Variants in SUCLA2 observed in about 807,000 individuals in gnomAD.
SUCLA2 encodes the protein succinate--CoA ligase [ADP-forming] subunit beta, mitochondrial.
In SUCLA2, 30 loss-of-function variants were observed where a neutral mutation model predicts 54.8. That is an observed-to-expected ratio of 0.55 (90% confidence interval 0.41 to 0.74). The LOEUF (loss-of-function observed/expected upper bound fraction) is 0.74, where lower values mean the gene tolerates loss of function less well. Ranked by LOEUF, SUCLA2 falls within the 30% of genes least tolerant of loss-of-function variation. The pLI, the probability that SUCLA2 is intolerant of heterozygous loss-of-function variation, is 0.00. For missense variants in SUCLA2, 476 were observed against 562.9 expected, an observed-to-expected ratio of 0.85 and a Z score of 1.56; for synonymous variants, 172 against 188.9, an observed-to-expected ratio of 0.91 and a Z score of 0.74.
chr13:47,988,725 A>T, intron 3 of SUCLA2, 22 bp from the exon 4 acceptor site: 1 of 1,612,916 alleles, frequency 6.2e-7, no homozygotes, highest in South Asian at 1.1e-5. Context: ...AAAAGAACTC[A>T]AATTTTTCTT....
In SUCLA2 at chr13:47,970,051, G is replaced by A. The variant is rs533832864; in HGVS notation, c.664-1318C>T. ...CAGGAGGTGGAGGTTGCAGTGAGCC[G>A]AGATCACACCACTGCACTCCTGCCT... On this transcript the variant is annotated intron_variant, in intron 5 of 10. Transcript: ENST00000646932. Among the ~76,000 whole-genome samples, 10 of 149,474 alleles carry A rather than the reference G, an allele frequency of 6.7e-5. 1 individual carries two copies. The South Asian group carries it at 8.5e-4, about 13-fold the overall frequency.
chr13:47,947,429 T>A (rs915371516), intron 10 of SUCLA2, among the ~76,000 whole-genome samples: 3 of 152,118 alleles, frequency 2.0e-5, no homozygotes, highest in African/African-American at 7.2e-5. Context: ...AATCAGGTAA[T>A]TATCCTACTT....
At position 47,961,092 on chromosome 13, in the gene SUCLA2, A is replaced by G. The variant is rs183750232; in HGVS notation, c.803-6535T>C. Reference sequence around the variant, plus strand: ...AAAAAGAAAATTGGGGCCAGTTATTAAAAGTTTATGGAAATCTTACCTTAT... The same window carrying G: ...AAAAAGAAAATTGGGGCCAGTTATTGAAAGTTTATGGAAATCTTACCTTAT... On this transcript the variant is annotated intron_variant, in intron 6 of 10. Coordinates refer to ENST00000646932, the MANE Select transcript of SUCLA2 (RefSeq NM_003850.3). Among the ~76,000 whole-genome samples, 334 of 152,336 alleles carry G rather than the reference A, an allele frequency of 2.2e-3. 1 individual carries two copies. Among genetic ancestry groups the G allele is most frequent in the South Asian group, 0.011 (51 of 4,824 alleles).
rs552533237 is a variant in SUCLA2 at position 47,946,591 on chromosome 13, T to A, written c.1317+2349A>T. Reference sequence around the variant, plus strand: ...AAACAAAAGGTTGTGTTTTTTTTTTTTTAAAAAAAGCAATCCCTTTAAAAA... The same window carrying A: ...AAACAAAAGGTTGTGTTTTTTTTTTATTAAAAAAAGCAATCCCTTTAAAAA... On this transcript the variant is annotated intron_variant, in intron 10 of 10. Transcript: ENST00000646932. Among the ~76,000 whole-genome samples, 917 of 145,380 alleles carry A rather than the reference T, an allele frequency of 6.3e-3. 11 individuals are homozygous for A. The highest frequency in any genetic ancestry group is 0.021 in the East Asian group (109 of 5,098).
rs980641785 is a variant in SUCLA2, at chr13:47,957,329, G to A, written c.803-2772C>T. ...CTCAGTAATTGGCTTTCTGTGTGGC[G>A]AGCAGCAGGACCTAGACCAAACCCC... On this transcript the variant is annotated intron_variant, in intron 6 of 10. Coordinates refer to ENST00000646932, the MANE Select transcript of SUCLA2 (RefSeq NM_003850.3). Among the ~76,000 whole-genome samples, 7 of 152,266 alleles carry A rather than the reference G, an allele frequency of 4.6e-5. No individual in the cohort carries two copies. In the East Asian group the frequency reaches 1.2e-3, roughly 25 times the overall value.
At chr13:47,957,969 G>A (rs1949835670) in intron 6 of SUCLA2, among the ~76,000 whole-genome samples, 2 of 152,140 alleles carry the variant, frequency 1.3e-5, no homozygotes, top group South Asian at 4.2e-4. Flanking sequence ...TGAGAAATTA[G>A]AATTTGGTAA....
chr13:47,999,584 G>GT (rs1396150273), intron 1 of SUCLA2, among the ~76,000 whole-genome samples: 2 of 152,206 alleles, frequency 1.3e-5, no homozygotes, highest in East Asian at 3.9e-4. Context: ...GCAGGCGCCT[G>GT]CAGTCCCAGC....
intron 6 of SUCLA2, among the ~76,000 whole-genome samples, chr13:47,966,206 A>G (rs1479427377): frequency 6.6e-6 from 1 of 152,226 alleles, no homozygotes; most frequent in African/African-American, 2.4e-5. Context: ...GGTGAAATGT[A>G]AACAACCGGC....
At chr13:47,973,856 A>G (rs1306770164) in intron 4 of SUCLA2, among the ~76,000 whole-genome samples, 5 of 152,074 alleles carry the variant, frequency 3.3e-5, no homozygotes, top group African/African-American at 1.2e-4. Flanking sequence ...ACCAAACATC[A>G]CATGTTCTCA....
In SUCLA2 at chr13:47,999,378, C is replaced by T. The variant is rs537689569; in HGVS notation, c.90+1802G>A. On this transcript the variant is annotated intron_variant, in intron 1 of 10. Transcript: ENST00000646932. ...ACGAAGGTACACTAGGCTAAAGATACCAAGAAATTGGAGGAGGGTCAGAGA... is the reference window on the plus strand; with the variant it reads ...ACGAAGGTACACTAGGCTAAAGATATCAAGAAATTGGAGGAGGGTCAGAGA... Among the ~76,000 whole-genome samples the T allele has an allele frequency of 2.0e-5, 3 of 152,136 alleles. No homozygotes were observed. The East Asian group carries it at 5.8e-4, about 29-fold the overall frequency.
At chr13:47,963,256 A>T (rs1949886884) in intron 6 of SUCLA2, among the ~76,000 whole-genome samples, 1 of 152,222 alleles carries the variant, frequency 6.6e-6, no homozygotes, top group Non-Finnish European at 1.5e-5. Flanking sequence ...TTGAATAAGA[A>T]AATTATAAAC....
In SUCLA2 at chr13:47,944,603, C is replaced by A. The variant is rs139436297; in HGVS notation, c.1318-1158G>T. On this transcript the variant is annotated intron_variant, in intron 10 of 10. Transcript: ENST00000646932. ...ACTAGATGGACTCCTACTATCTCTC[C>A]CCTTTTCCCTTCAATATATCCCACA... Among the ~76,000 whole-genome samples the A allele has an allele frequency of 1.8e-4, 27 of 152,280 alleles. 1 individual carries two copies. The East Asian group carries it at 5.0e-3, about 28-fold the overall frequency.
chr13:47,943,957 A>T lies in SUCLA2; in HGVS notation c.1318-512T>A, dbSNP rs542599921. Among the ~76,000 whole-genome samples, 7 of 152,170 alleles carry T rather than the reference A, an allele frequency of 4.6e-5. No homozygotes were observed. The East Asian group carries it at 9.6e-4, about 21-fold the overall frequency. ...TATTTTACTTTTTGTCAGTAAGTTA[A>T]CAATTGCTAACCTGAGTTCCAATTC... On this transcript the variant is annotated intron_variant, in intron 10 of 10. Transcript: ENST00000646932.
intron 6 of SUCLA2, among the ~76,000 whole-genome samples, chr13:47,963,657 C>A (rs75043474): frequency 1.3e-5 from 2 of 149,380 alleles, no homozygotes. Context: ...AACAAACAAA[C>A]AAAAAAAAAA....
intron 6 of SUCLA2, chr13:47,965,510 AAC>A (rs1201003985): frequency 2.1e-4 from 80 of 389,876 alleles, no homozygotes; most frequent in Middle Eastern, 6.4e-4. Flanking sequence ...AAAAAAAACA[AAC>A]AAACAAAAAA....
chr13:47,964,714 G>A (rs902260037), intron 6 of SUCLA2, among the ~76,000 whole-genome samples: 96 of 152,116 alleles, frequency 6.3e-4, no homozygotes, highest in African/African-American at 1.6e-3. Context: ...AAAATTAGCC[G>A]GGCGTGGTGG....
chr13:47,981,837 T>C lies in SUCLA2; in HGVS notation c.534+6704A>G, dbSNP rs143912012. 3.9e-3 allele frequency among the ~76,000 whole-genome samples: 581 copies of C among 150,898 alleles called. 2 individuals carry two copies. Among genetic ancestry groups the C allele is most frequent in the African/African-American group, 0.013 (544 of 41,034 alleles). On this transcript the variant is annotated intron_variant, in intron 4 of 10. Transcript: ENST00000646932. Reference sequence around the variant, plus strand: ...CAAAAAAATACAAAAATAAAAAAATTAGCAGGGTGTGGTGGTGGGTGCCTG... The same window carrying C: ...CAAAAAAATACAAAAATAAAAAAATCAGCAGGGTGTGGTGGTGGGTGCCTG...
intron 10 of SUCLA2, chr13:47,945,673 CACACACACACACAA>C (rs201034954): frequency 0.21 from 25,183 of 117,510 alleles, 2,623 homozygotes; most frequent in African/African-American, 0.31. Flanking sequence ...CACACACACA[CACACACACACACAA>C]AGTCCCCCCC....
At chr13:47,985,563 A>C (rs1388684951) in intron 4 of SUCLA2, among the ~76,000 whole-genome samples, 1 of 152,130 alleles carries the variant, frequency 6.6e-6, no homozygotes, top group African/African-American at 2.4e-5. Flanking sequence ...CAAAGGACAT[A>C]ATCTCATTCC....
Sources: gnomAD v4.1 joint callset for allele counts (sites outside exome capture counted in the v4.1 genomes callset) on GRCh38, gnomAD v4.1.1 for gene constraint, MANE v1.5 for transcripts, NCBI Gene and HGNC (gene_info 2026-07-23, HGNC 2026-07-21) for gene names.